USP32: variants seen among roughly 807,000 people sequenced by gnomAD.
USP32 encodes ubiquitin specific peptidase 32.
In USP32, 59 loss-of-function variants were observed where a neutral mutation model predicts 204.8. That is an observed-to-expected ratio of 0.29 (90% CI 0.23 to 0.36). The LOEUF (loss-of-function observed/expected upper bound fraction) is 0.36. Ranked by LOEUF, USP32 falls within the 10% of genes least tolerant of loss-of-function variation. USP32 has a pLI of 1.00. For missense variants in USP32, 1,160 were observed against 1,946.4 expected (o/e 0.60, Z 7.60); for synonymous variants, 517 against 678.4 (o/e 0.76, Z 3.70).
rs1480223396 is a variant in USP32 at position 60,214,771 on chromosome 17, T to C, written c.1871A>G (p.Asn624Ser). 6.2e-7 allele frequency: 1 copy of C among 1,613,828 alleles called. No homozygotes were observed. Among genetic ancestry groups the C allele is most frequent in the Admixed American group, 1.7e-5 (1 of 59,998 alleles). Reference sequence around the variant, plus strand: ...TAAAGGTGCATTCGGAGAAGGTACATTTCCTATGGTTACAGTAATCACAGT... The same window carrying C: ...TAAAGGTGCATTCGGAGAAGGTACACTTCCTATGGTTACAGTAATCACAGT... ...QQSNIWVNMG[N>S]VPSPNAPLKR... is the part of the protein sequence containing the mutation. The change falls in exon 17 of 34, where the codon AAT (asparagine) becomes AGT (serine). Residue 624 changes from asparagine to serine, a missense_variant. Asn to Ser is a conservative substitution (Grantham distance 46). Transcript: ENST00000300896.
At position 60,238,656 on chromosome 17, in the gene USP32, T is replaced by A. The variant is rs187238325; in HGVS notation, c.1137-2416A>T. 2.5e-3 allele frequency among the ~76,000 whole-genome samples: 383 copies of A among 151,990 alleles called. 1 individual carries two copies. The highest frequency in any genetic ancestry group is 8.5e-3 in the African/African-American group (352 of 41,458). On this transcript the variant is annotated intron_variant, in intron 11 of 33. Coordinates refer to ENST00000300896, the MANE Select transcript of USP32 (RefSeq NM_032582.4). Reference sequence around the variant, plus strand: ...CGTCTCTACTAAAAATACAAAAAAATTAGCTGGTGTAGTGGTGGGCACCTA... The same window carrying A: ...CGTCTCTACTAAAAATACAAAAAAAATAGCTGGTGTAGTGGTGGGCACCTA...
intron 5 of USP32, among the ~76,000 whole-genome samples, chr17:60,285,726 G>A (rs959515256): frequency 6.6e-6 from 1 of 152,152 alleles, no homozygotes; most frequent in African/African-American, 2.4e-5. Context: ...TTTCTGATAA[G>A]AAGGCAAGAA....
intron 2 of USP32, among the ~76,000 whole-genome samples, chr17:60,337,506 T>C (rs565254554): frequency 6.6e-6 from 1 of 152,324 alleles, no homozygotes; most frequent in South Asian, 2.1e-4. Context: ...ATAAATCAAA[T>C]ATTCGCTAAG....
At chr17:60,346,626 G>T (rs893841455) in intron 1 of USP32, among the ~76,000 whole-genome samples, 1 of 151,906 alleles carries the variant, frequency 6.6e-6, no homozygotes. Context: ...TCACTATATG[G>T]AACAATCTCT....
At chr17:60,380,009 A>G (rs185415443) in intron 1 of USP32, among the ~76,000 whole-genome samples, 2 of 152,328 alleles carry the variant, frequency 1.3e-5, no homozygotes, top group East Asian at 3.9e-4. Flanking sequence ...ATGTACATAT[A>G]TATGTAAAAA....
At chr17:60,358,577 A>G (rs1055381906) in intron 1 of USP32, among the ~76,000 whole-genome samples, 2 of 152,176 alleles carry the variant, frequency 1.3e-5, no homozygotes, top group Admixed American at 1.3e-4. Context: ...CTGTCTCAAA[A>G]AAACATAATA....
intron 1 of USP32, among the ~76,000 whole-genome samples, chr17:60,349,328 C>T (rs887485695): frequency 2.7e-5 from 4 of 150,156 alleles, no homozygotes; most frequent in African/African-American, 7.3e-5. Context: ...ACCTGTAATG[C>T]CAGGACTTTG....
At chr17:60,391,810 C>G in intron 1 of USP32, 72 bp downstream of exon 1, 1 of 1,550,000 alleles carries the variant, frequency 6.5e-7, no homozygotes, top group African/African-American at 1.4e-5. Flanking sequence ...CCCTCTCCCT[C>G]CCGGTTACCC....
intron 1 of USP32, among the ~76,000 whole-genome samples, chr17:60,368,626 A>C (rs1460242399): frequency 1.3e-5 from 2 of 152,156 alleles, no homozygotes; most frequent in Non-Finnish European, 2.9e-5. Context: ...AAAACTATTA[A>C]AACTAAGAAT....
At chr17:60,322,393 C>T (rs2088133911) in intron 2 of USP32, among the ~76,000 whole-genome samples, 1 of 152,160 alleles carries the variant, frequency 6.6e-6, no homozygotes, top group South Asian at 2.1e-4. Flanking sequence ...CAAGAAAAAG[C>T]ATGGCATATA....
At chr17:60,309,180 A>T (rs566410390) in intron 2 of USP32, among the ~76,000 whole-genome samples, 9 of 152,334 alleles carry the variant, frequency 5.9e-5, no homozygotes, top group Non-Finnish European at 1.2e-4. Context: ...AAAGGCAACA[A>T]TCAATAAAAT....
chr17:60,338,497 G>A (rs772988036), intron 2 of USP32, among the ~76,000 whole-genome samples: 6 of 152,106 alleles, frequency 3.9e-5, no homozygotes, highest in Non-Finnish European at 8.8e-5. Context: ...TTGGGAAGTC[G>A]AGGCAGGGTG....
intron 1 of USP32, among the ~76,000 whole-genome samples, chr17:60,400,971 A>C (rs749066080): frequency 6.6e-6 from 1 of 152,080 alleles, no homozygotes; most frequent in Admixed American, 6.6e-5. Context: ...CAGCCTGGCC[A>C]ACATAGCAAA....
chr17:60,392,156 T>C (rs2089852155), upstream of USP32: 1 of 503,208 alleles, frequency 2.0e-6, no homozygotes, highest in South Asian at 2.3e-5. Context: ...CCCGCCCCCT[T>C]CCCCTGCCTC....
At chr17:60,332,375 C>T (rs1049947582) in intron 2 of USP32, among the ~76,000 whole-genome samples, 4 of 151,862 alleles carry the variant, frequency 2.6e-5, no homozygotes, top group African/African-American at 7.3e-5. Context: ...GGGCCGGACG[C>T]GGTGGCTCAA....
At chr17:60,354,221 A>G (rs545844668) in intron 1 of USP32, among the ~76,000 whole-genome samples, 118 of 152,308 alleles carry the variant, frequency 7.7e-4, no homozygotes, top group South Asian at 1.4e-3. Flanking sequence ...TTCAAAGGTA[A>G]TATTTGTCTT....
chr17:60,199,945 C>T (rs1193546188), intron 26 of USP32, among the ~76,000 whole-genome samples: 2 of 152,142 alleles, frequency 1.3e-5, no homozygotes, highest in Non-Finnish European at 1.5e-5. Context: ...CCTGTAATCC[C>T]AGCACTTCAG....
intron 2 of USP32, among the ~76,000 whole-genome samples, chr17:60,318,552 A>C (rs1239111202): frequency 2.0e-5 from 3 of 152,202 alleles, no homozygotes; most frequent in South Asian, 4.1e-4. Flanking sequence ...GTTGAGACTC[A>C]AGTAAAGACA....
intron 1 of USP32, among the ~76,000 whole-genome samples, chr17:60,384,925 C>T (rs1255345370): frequency 1.3e-5 from 2 of 152,048 alleles, no homozygotes; most frequent in African/African-American, 2.4e-5. Context: ...CTGGACAACA[C>T]GGCGAAACCC....
Sources: allele counts gnomAD v4.1 joint callset (sites outside exome capture counted in the v4.1 genomes callset), GRCh38; gene constraint gnomAD v4.1.1; transcripts MANE v1.5; gene names NCBI Gene and HGNC (gene_info 2026-07-23, HGNC 2026-07-21).